MAP3K5: variants seen among roughly 807,000 people sequenced by gnomAD.
The protein encoded by MAP3K5 is ASK-1.
A neutral mutation model predicts 158.7 loss-of-function variants in MAP3K5; 56 were observed. That is an observed-to-expected ratio of 0.35 (90% CI 0.28 to 0.44). The LOEUF (loss-of-function observed/expected upper bound fraction) is 0.44, where lower values mean the gene tolerates loss of function less well. Ranked by LOEUF, MAP3K5 falls within the 20% of genes least tolerant of loss-of-function variation. The pLI, the probability that MAP3K5 is intolerant of heterozygous loss-of-function variation, is 1.00. For missense variants in MAP3K5, 1,294 were observed against 1,674.8 expected, an observed-to-expected ratio of 0.77 and a Z score of 3.97; for synonymous variants, 579 against 601.7, an observed-to-expected ratio of 0.96 and a Z score of 0.55.
At chr6:136,738,382 C>G (rs1388587863) in intron 1 of MAP3K5, among the ~76,000 whole-genome samples, 1 of 152,134 alleles carries the variant, frequency 6.6e-6, no homozygotes, top group Non-Finnish European at 1.5e-5. Flanking sequence ...AGGGACCTGA[C>G]TGTTTTAACA....
At chr6:136,598,236 C>T (rs752965181) in intron 21 of MAP3K5, among the ~76,000 whole-genome samples, 4 of 152,074 alleles carry the variant, frequency 2.6e-5, no homozygotes, top group Admixed American at 6.6e-5. Flanking sequence ...TGCGAGAAGT[C>T]GCCTCACCTG....
chr6:136,567,831 A>G lies in MAP3K5; in HGVS notation c.3561T>C (p.Ala1187=), dbSNP rs1774186920. ...HFSLASESDT[A]DQEDLDVEDD... Reference sequence around the variant, plus strand: ...CTTCTACATCCAAGTCTTCTTGATCAGCAGTATCACTCTCAGATGCAAGGC... The same window carrying G: ...CTTCTACATCCAAGTCTTCTTGATCGGCAGTATCACTCTCAGATGCAAGGC... The change falls in exon 26 of 30, where the codon GCT becomes GCC. Residue 1187 remains alanine (A), a synonymous_variant. Coordinates refer to ENST00000359015, the MANE Select transcript of MAP3K5 (RefSeq NM_005923.4). 4 of 1,614,146 alleles carry G rather than the reference A, an allele frequency of 2.5e-6. No individual in the cohort carries two copies. The highest frequency in any genetic ancestry group is 2.2e-5 in the South Asian group (2 of 91,078).
At chr6:136,693,839 A>C (rs895330152) in intron 7 of MAP3K5, among the ~76,000 whole-genome samples, 1 of 152,066 alleles carries the variant, frequency 6.6e-6, no homozygotes, top group Non-Finnish European at 1.5e-5. Context: ...AAATGTAAAA[A>C]TTAGTGGGCG....
chr6:136,627,860 C>T (rs531598271), intron 14 of MAP3K5, among the ~76,000 whole-genome samples: 6 of 152,314 alleles, frequency 3.9e-5, no homozygotes, highest in East Asian at 1.9e-4. Flanking sequence ...CAAGATCTTA[C>T]GGCTACCTCT....
intron 19 of MAP3K5, among the ~76,000 whole-genome samples, chr6:136,602,297 T>C (rs1418815174): frequency 6.6e-6 from 1 of 152,110 alleles, no homozygotes; most frequent in African/African-American, 2.4e-5. Context: ...TCTTTATTTT[T>C]CTTTCTTTCT....
intron 7 of MAP3K5, among the ~76,000 whole-genome samples, chr6:136,693,090 G>A (rs1401248361): frequency 6.6e-6 from 1 of 152,026 alleles, no homozygotes; most frequent in Non-Finnish European, 1.5e-5. Context: ...TTTTGTGCAT[G>A]GCTTAAAATG....
At chr6:136,749,414 T>G (rs995271712) in intron 1 of MAP3K5, among the ~76,000 whole-genome samples, 1 of 148,806 alleles carries the variant, frequency 6.7e-6, no homozygotes, top group African/African-American at 2.5e-5. Context: ...TCCATTAGGG[T>G]GCGTGAAGGT....
chr6:136,636,623 C>A (rs1237289219), intron 14 of MAP3K5, among the ~76,000 whole-genome samples: 1 of 152,080 alleles, frequency 6.6e-6, no homozygotes. Flanking sequence ...GCAGACATGG[C>A]AGAGAAAATG....
At chr6:136,642,128 T>A (rs561572350) in intron 12 of MAP3K5, among the ~76,000 whole-genome samples, 82 of 151,294 alleles carry the variant, frequency 5.4e-4, no homozygotes, top group Non-Finnish European at 1.0e-3. Flanking sequence ...AGACGGCATG[T>A]GTGCTTTGTA....
intron 23 of MAP3K5, among the ~76,000 whole-genome samples, chr6:136,588,473 A>G (rs1775234599): frequency 1.3e-5 from 2 of 152,188 alleles, no homozygotes; most frequent in Non-Finnish European, 2.9e-5. Flanking sequence ...CCTAAAGAAA[A>G]TGTTAGCTGT....
chr6:136,728,526 A>C (rs374711505), intron 1 of MAP3K5, among the ~76,000 whole-genome samples: 1 of 152,182 alleles, frequency 6.6e-6, no homozygotes, highest in African/African-American at 2.4e-5. Context: ...GGCAATCCCT[A>C]CTATAAATGA....
chr6:136,617,699 C>G lies in MAP3K5; in HGVS notation c.2151-3413G>C, dbSNP rs148727695. 5.1e-3 allele frequency among the ~76,000 whole-genome samples: 779 copies of G among 152,198 alleles called. 10 individuals carry two copies. The highest frequency in any genetic ancestry group is 0.018 in the African/African-American group (742 of 41,500). ...CTGTAATCCCAGCACTTTGGGAGGCCAAGGTGGGCAGATCACTTGAGGTCA... is the reference window on the plus strand; with the variant it reads ...CTGTAATCCCAGCACTTTGGGAGGCGAAGGTGGGCAGATCACTTGAGGTCA... On this transcript the variant is annotated intron_variant, in intron 15 of 29. Coordinates refer to ENST00000359015, the MANE Select transcript of MAP3K5 (RefSeq NM_005923.4).
intron 18 of MAP3K5, among the ~76,000 whole-genome samples, chr6:136,611,074 T>C (rs1167299868): frequency 7.9e-6 from 1 of 125,920 alleles, no homozygotes; most frequent in East Asian, 2.4e-4. Flanking sequence ...CACCACTGCA[T>C]TCCAGCCTAG....
chr6:136,656,212 G>C (rs1287467686), intron 10 of MAP3K5, 95 bp downstream of exon 10: 1 of 1,052,448 alleles, frequency 9.5e-7, no homozygotes, highest in South Asian at 1.4e-5. Context: ...CAGTTTTAAG[G>C]CACCAAAAAT....
chr6:136,689,864 A>G (rs1035460683), intron 7 of MAP3K5, among the ~76,000 whole-genome samples: 1 of 152,150 alleles, frequency 6.6e-6, no homozygotes, highest in Non-Finnish European at 1.5e-5. Context: ...CAGTCCCTCT[A>G]AAGTGTGAAA....
At chr6:136,588,403 T>C (rs1775232292) in intron 23 of MAP3K5, among the ~76,000 whole-genome samples, 1 of 152,224 alleles carries the variant, frequency 6.6e-6, no homozygotes, top group Admixed American at 6.5e-5. Context: ...ATTGGTATAG[T>C]ATTACTGTCA....
chr6:136,680,962 G>A (rs1256128899), intron 7 of MAP3K5, among the ~76,000 whole-genome samples: 18 of 152,186 alleles, frequency 1.2e-4, no homozygotes, highest in Admixed American at 1.2e-3. Flanking sequence ...GAGGAAGGGA[G>A]TGACAGCAAA....
At chr6:136,771,095 G>A (rs183523799) in intron 1 of MAP3K5, among the ~76,000 whole-genome samples, 299 of 152,264 alleles carry the variant, frequency 2.0e-3, no homozygotes, top group Middle Eastern at 0.01. Flanking sequence ...CAGCCAGCAG[G>A]TATGGAGAGT....
chr6:136,650,842 G>A (rs555564874), intron 11 of MAP3K5, 142 bp downstream of exon 11: 14 of 458,540 alleles, frequency 3.1e-5, no homozygotes, highest in African/African-American at 1.0e-4. Flanking sequence ...TTTATAATAC[G>A]GAATGCATTT....
Sources: allele counts gnomAD v4.1 joint callset (sites outside exome capture counted in the v4.1 genomes callset), GRCh38; gene constraint gnomAD v4.1.1; transcripts MANE v1.5; gene names NCBI Gene and HGNC (gene_info 2026-07-23, HGNC 2026-07-21).